Variants in TMEM232 observed in about 807,000 individuals in gnomAD.
TMEM232 encodes transmembrane protein 232.
Under a neutral mutation model 78.8 loss-of-function variants are expected in TMEM232, and 80 were observed. The observed-to-expected ratio is 1.01, with a 90% CI of 0.85 to 1.22. The LOEUF is 1.22. Among genes scored for constraint, TMEM232 ranks in the 50% most tolerant of loss-of-function variants. The probability of loss-of-function intolerance (pLI) is 0.00; values close to 1 mark genes in which losing one functional copy is unlikely to be tolerated. For missense variants in TMEM232, 881 were observed against 742.2 expected, an observed-to-expected ratio of 1.19 and a Z score of -2.17; for synonymous variants, 297 against 254.3, an observed-to-expected ratio of 1.17 and a Z score of -1.60.
intron 10 of TMEM232, among the ~76,000 whole-genome samples, chr5:110,589,307 C>G (rs1314758895): frequency 6.6e-6 from 1 of 152,046 alleles, no homozygotes; most frequent in Admixed American, 6.6e-5. Context: ...ACCCCTGGAC[C>G]CCACCTTTTA....
intron 2 of TMEM232, among the ~76,000 whole-genome samples, chr5:110,646,631 A>T (rs1187798693): frequency 6.6e-6 from 1 of 151,834 alleles, no homozygotes; most frequent in Admixed American, 6.6e-5. Context: ...ACTTCTTGAT[A>T]TTGGTCTTCG....
intron 11 of TMEM232, among the ~76,000 whole-genome samples, chr5:110,568,021 G>A (rs1776537133): frequency 6.6e-6 from 1 of 151,948 alleles, no homozygotes; most frequent in Admixed American, 6.6e-5. Context: ...CAAATTAGAG[G>A]ATTGTGTTAT....
intron 10 of TMEM232, among the ~76,000 whole-genome samples, chr5:110,582,290 AACATATGGTACATAT>A (rs1431368687): frequency 1.3e-5 from 2 of 152,014 alleles, no homozygotes; most frequent in Non-Finnish European, 2.9e-5. Flanking sequence ...CTGGATAAAA[AACATATGGTACATAT>A]ACACCATGGC....
At chr5:110,470,205 C>T (rs1338152369) in intron 12 of TMEM232, among the ~76,000 whole-genome samples, 2 of 152,120 alleles carry the variant, frequency 1.3e-5, no homozygotes, top group African/African-American at 4.8e-5. Flanking sequence ...ATCTAGAAAA[C>T]CTTCTCTTCC....
chr5:110,675,190 G>A lies in TMEM232; in HGVS notation c.-12-7826C>T, dbSNP rs545843699. Among the ~76,000 whole-genome samples the A allele has an allele frequency of 3.5e-3, 532 of 151,964 alleles. 4 individuals are homozygous for A. Among genetic ancestry groups the A allele is most frequent in the African/African-American group, 0.012 (510 of 41,412 alleles). Reference sequence around the variant, plus strand: ...CTCCTGGGTAGCTGGGATTACAGGCGCACGTCACCATGCCCAGCTAGTTTT... The same window carrying A: ...CTCCTGGGTAGCTGGGATTACAGGCACACGTCACCATGCCCAGCTAGTTTT... On this transcript the variant is annotated intron_variant, in intron 1 of 13. Transcript: ENST00000455884.
At chr5:110,519,711 AAT>A (rs1456189790) in intron 12 of TMEM232, among the ~76,000 whole-genome samples, 1 of 152,150 alleles carries the variant, frequency 6.6e-6, no homozygotes, top group African/African-American at 2.4e-5. Context: ...CAAAATTTGG[AAT>A]CAACCCAAAT....
intron 10 of TMEM232, among the ~76,000 whole-genome samples, chr5:110,575,688 C>T (rs1323392942): frequency 6.6e-5 from 10 of 151,894 alleles, no homozygotes; most frequent in Admixed American, 3.3e-4. Context: ...GAATGGTGGC[C>T]AACCAGGGAG....
chr5:110,464,380 C>A (rs562395089), intron 12 of TMEM232, among the ~76,000 whole-genome samples: 4 of 152,204 alleles, frequency 2.6e-5, no homozygotes, highest in Non-Finnish European at 4.4e-5. Context: ...CTGGGGAAGG[C>A]AGAACAAGGG....
chr5:110,662,343 T>C (rs1008977847), intron 2 of TMEM232, among the ~76,000 whole-genome samples: 1 of 152,146 alleles, frequency 6.6e-6, no homozygotes, highest in South Asian at 2.1e-4. Flanking sequence ...AGTAAAACTG[T>C]ATTGAGAAAA....
intron 1 of TMEM232, among the ~76,000 whole-genome samples, chr5:110,692,605 T>G (rs370272771): frequency 3.3e-5 from 5 of 152,338 alleles, no homozygotes; most frequent in East Asian, 3.9e-4. Context: ...CCCACCCTAA[T>G]ACTGCGCTTT....
At chr5:110,652,294 G>GCACACACACACACGCACACACACA (rs1788442337) in intron 2 of TMEM232, among the ~76,000 whole-genome samples, 1 of 145,360 alleles carries the variant, frequency 6.9e-6, no homozygotes, top group South Asian at 2.2e-4. Context: ...GCACGCGCGC[G>GCACACACACACACGCACACACACA]CACACACACA....
At chr5:110,654,420 T>G (rs1240082199) in intron 2 of TMEM232, among the ~76,000 whole-genome samples, 3 of 152,174 alleles carry the variant, frequency 2.0e-5, no homozygotes, top group Non-Finnish European at 4.4e-5. Context: ...CTTTCCCCAT[T>G]GCTTGTTTTT....
intron 1 of TMEM232, among the ~76,000 whole-genome samples, chr5:110,721,447 C>A (rs1797592191): frequency 6.6e-6 from 1 of 151,390 alleles, no homozygotes; most frequent in African/African-American, 2.4e-5. Flanking sequence ...TGATAACGGA[C>A]ATTCAGTGCC....
At chr5:110,557,812 C>T (rs1383390229) in intron 11 of TMEM232, among the ~76,000 whole-genome samples, 1 of 152,086 alleles carries the variant, frequency 6.6e-6, no homozygotes, top group Non-Finnish European at 1.5e-5. Context: ...CTGAGGATTA[C>T]AATTGAACAT....
chr5:110,626,323 G>A (rs1561411147), intron 6 of TMEM232, among the ~76,000 whole-genome samples: 2 of 151,950 alleles, frequency 1.3e-5, no homozygotes, highest in East Asian at 1.9e-4. Flanking sequence ...ACACTGTGAG[G>A]AGTTAAGAAG....
At chr5:110,561,116 C>G (rs1775686993) in intron 11 of TMEM232, among the ~76,000 whole-genome samples, 1 of 151,996 alleles carries the variant, frequency 6.6e-6, no homozygotes, top group Non-Finnish European at 1.5e-5. Context: ...TTTTTATATT[C>G]TTGTTACCCT....
intron 12 of TMEM232, among the ~76,000 whole-genome samples, chr5:110,431,787 A>G (rs1304947774): frequency 6.6e-6 from 1 of 151,758 alleles, no homozygotes; most frequent in African/African-American, 2.4e-5. Context: ...CATAGCAGAA[A>G]AGAAGATTGG....
intron 11 of TMEM232, among the ~76,000 whole-genome samples, chr5:110,542,497 A>T (rs2149583995): frequency 6.6e-6 from 1 of 152,254 alleles, no homozygotes; most frequent in South Asian, 2.1e-4. Context: ...TTAGCCATCA[A>T]GAAGCTACCC....
chr5:110,600,026 C>G (rs997079803), intron 10 of TMEM232, among the ~76,000 whole-genome samples: 1 of 152,146 alleles, frequency 6.6e-6, no homozygotes, highest in Non-Finnish European at 1.5e-5. Context: ...AACCACAAAA[C>G]TACATGAAAA....
Sources: allele counts gnomAD v4.1 joint callset (sites outside exome capture counted in the v4.1 genomes callset), GRCh38; gene constraint gnomAD v4.1.1; transcripts MANE v1.5; gene names NCBI Gene and HGNC (gene_info 2026-07-23, HGNC 2026-07-21).